Variants in COMMD9 observed in about 807,000 individuals in gnomAD.
COMMD9 encodes the protein COMM domain-containing protein 9.
COMMD9 carries 22 observed loss-of-function variants against 23.4 expected under a neutral mutation model. That is an observed-to-expected ratio of 0.94 (90% CI 0.67 to 1.34). COMMD9 has a LOEUF of 1.34. Ranked by LOEUF, COMMD9 falls within the 40% of genes most tolerant of loss-of-function variation. The pLI is 0.00. For missense variants in COMMD9, 231 were observed against 240.2 expected (o/e 0.96, Z 0.25); for synonymous variants, 99 against 97.4 (o/e 1.02, Z -0.10).
intron 1 of COMMD9, among the ~76,000 whole-genome samples, chr11:36,288,839 A>G (rs777066611): frequency 6.6e-6 from 1 of 152,194 alleles, no homozygotes; most frequent in Non-Finnish European, 1.5e-5. Context: ...ACAAAGCCCT[A>G]TGAAGTAGGT....
intron 5 of COMMD9, among the ~76,000 whole-genome samples, chr11:36,275,740 C>T (rs920302299): frequency 6.6e-6 from 1 of 152,182 alleles, no homozygotes; most frequent in East Asian, 1.9e-4. Context: ...CTGCTCCCAG[C>T]GACTAGTAGA....
At chr11:36,274,832 T>C in intron 5 of COMMD9, 60 bp from the exon 6 acceptor site, 2 of 1,600,786 alleles carry the variant, frequency 1.2e-6, no homozygotes, top group Non-Finnish European at 1.7e-6. Context: ...TCCCTGTAAG[T>C]GAGCCCTGAA....
At chr11:36,284,984 C>T (rs1856127562) in intron 1 of COMMD9, among the ~76,000 whole-genome samples, 1 of 151,966 alleles carries the variant, frequency 6.6e-6, no homozygotes, top group Admixed American at 6.6e-5. Flanking sequence ...AACAGGAAAG[C>T]ATAATAAACC....
At chr11:36,288,030 C>T (rs918470818) in intron 1 of COMMD9, among the ~76,000 whole-genome samples, 1 of 152,016 alleles carries the variant, frequency 6.6e-6, no homozygotes, top group African/African-American at 2.4e-5. Context: ...GGGGTAGGTA[C>T]AGAGCAGCCA....
chr11:36,272,959 G>A lies in COMMD9; in HGVS notation c.*1673C>T, dbSNP rs1482986849. 1.3e-5 allele frequency: 2 copies of A among 152,194 alleles called. No homozygotes were observed. Among genetic ancestry groups the A allele is most frequent in the African/African-American group, 2.4e-5 (1 of 41,428 alleles). 9.4% of individuals were successfully genotyped at this position (152,194 alleles called of 1,614,324 possible). A position where few individuals can be genotyped will look rare whatever the true frequency, so the allele number is the denominator to read the frequency against. The stretch of plus-strand genomic sequence containing the variant: ...TCACACCAACTCTGTTATAGTAGAT[G>A]AGACAATAAATGCACCAAGCTTTCT... On this transcript the variant is annotated 3_prime_UTR_variant, in exon 6 of 6. Transcript: ENST00000263401.
intron 3 of COMMD9, chr11:36,278,210 CA>C (rs1856006561): frequency 2.7e-6 from 1 of 363,830 alleles, no homozygotes; most frequent in East Asian, 6.8e-5. Context: ...TACAAAACAG[CA>C]TGATCCATTT....
At chr11:36,288,918 G>T (rs953716722) in intron 1 of COMMD9, among the ~76,000 whole-genome samples, 2 of 152,180 alleles carry the variant, frequency 1.3e-5, no homozygotes, top group African/African-American at 4.8e-5. Flanking sequence ...AGGTCAAAGA[G>T]AGTAGGGAAA....
intron 1 of COMMD9, among the ~76,000 whole-genome samples, chr11:36,281,992 A>T (rs2133429904): frequency 6.6e-6 from 1 of 152,318 alleles, no homozygotes; most frequent in African/African-American, 2.4e-5. Context: ...AGAACTGAAA[A>T]ATAAAATAAC....
intron 4 of COMMD9, 107 bp from the exon 5 acceptor site, chr11:36,276,347 A>G: frequency 1.4e-6 from 1 of 722,850 alleles, no homozygotes; most frequent in South Asian, 1.6e-5. Context: ...GCATTGGTCT[A>G]TGCAGCAAGT....
Position 36,278,490 on chromosome 11 carries a change from T to C in COMMD9, c.304A>G (p.Ile102Val). The part of the protein sequence containing the change: ...QNLKNLLTKI[I>V]LEHVSTWRTE... The stretch of plus-strand genomic sequence containing the variant: ...ATGAGCACTTACACATGTTCTAGGA[T>C]GATCTTTGTCAGCAGGTTTTTGAGG... The change falls in exon 3 of 6, where the codon ATC becomes GTC. Residue 102 changes from isoleucine to valine, a missense_variant. Coordinates refer to ENST00000263401, the MANE Select transcript of COMMD9 (RefSeq NM_014186.4). 6.2e-7 allele frequency: 1 copy of C among 1,613,836 alleles called. No individual in the cohort carries two copies. Among genetic ancestry groups the C allele is most frequent in the Non-Finnish European group, 8.5e-7 (1 of 1,179,680 alleles).
At chr11:36,276,387 A>G in intron 4 of COMMD9, 147 bp from the exon 5 acceptor site, 2 of 619,696 alleles carry the variant, frequency 3.2e-6, no homozygotes, top group Non-Finnish European at 5.8e-6. Context: ...ACAAAGCCCG[A>G]GACCCACAGC....
chr11:36,275,768 A>G (rs1296179373), intron 5 of COMMD9, among the ~76,000 whole-genome samples: 2 of 152,012 alleles, frequency 1.3e-5, no homozygotes, highest in East Asian at 3.9e-4. Flanking sequence ...GAGCAGCCAC[A>G]TTACAAATAA....
chr11:36,288,030 C>G (rs918470818), intron 1 of COMMD9, among the ~76,000 whole-genome samples: 1 of 152,016 alleles, frequency 6.6e-6, no homozygotes, highest in Non-Finnish European at 1.5e-5. Flanking sequence ...GGGGTAGGTA[C>G]AGAGCAGCCA....
intron 1 of COMMD9, among the ~76,000 whole-genome samples, chr11:36,286,406 A>AAAAG (rs1425897323): frequency 1.1e-5 from 1 of 87,082 alleles, no homozygotes. Flanking sequence ...AAAAAAAAAA[A>AAAAG]AAAAAAAGAA....
intron 2 of COMMD9, among the ~76,000 whole-genome samples, chr11:36,279,885 T>C (rs1003729865): frequency 1.3e-5 from 2 of 152,138 alleles, no homozygotes; most frequent in African/African-American, 4.8e-5. Flanking sequence ...GTGGGTGGAT[T>C]GCTTGAGCTC....
intron 1 of COMMD9, among the ~76,000 whole-genome samples, chr11:36,282,451 A>G (rs1856082207): frequency 6.6e-6 from 1 of 152,080 alleles, no homozygotes; most frequent in African/African-American, 2.4e-5. Context: ...ATGAAAGCAG[A>G]TTTCATATCA....
In COMMD9 at chr11:36,286,597, AAAAC is replaced by A. The variant is rs576438482; in HGVS notation, c.51+2761_51+2764del. The stretch of plus-strand genomic sequence containing the variant: ...CTGGGCCACAGAGCGAGACTCTCTC[AAAAC>A]AAACAAACAAACAAACAAACCAAAA... On this transcript the variant is annotated intron_variant, in intron 1 of 5. Coordinates refer to ENST00000263401, the MANE Select transcript of COMMD9 (RefSeq NM_014186.4). Among the ~76,000 whole-genome samples the A allele has an allele frequency of 2.8e-4, 43 of 151,936 alleles. 1 individual carries two copies. The highest frequency in any genetic ancestry group is 5.8e-4 in the East Asian group (3 of 5,174).
In COMMD9 at chr11:36,274,277, T is replaced by C. The variant is rs138172093; in HGVS notation, c.*355A>G. On this transcript the variant is annotated 3_prime_UTR_variant, in exon 6 of 6. Transcript: ENST00000263401. ...CTAATGTTGGAAATAAACTTACTTA[T>C]TGGATAGGCTGCATGATTTGGGCCT... The C allele has an allele frequency of 1.6e-3, 810 of 501,506 alleles. 2 individuals are homozygous for C. Among genetic ancestry groups the C allele is most frequent in the Non-Finnish European group, 2.6e-3 (666 of 257,296 alleles). 31.1% of individuals were successfully genotyped at this position (501,506 alleles called of 1,614,324 possible). A position where few individuals can be genotyped will look rare whatever the true frequency, so the allele number is the denominator to read the frequency against.
rs866164660 is a variant in COMMD9, at chr11:36,274,737, G to A, written c.492C>T (p.Pro164=). The A allele has an allele frequency of 2.5e-6, 4 of 1,614,286 alleles. No homozygotes were observed. Among genetic ancestry groups the A allele is most frequent in the Non-Finnish European group, 3.4e-6 (4 of 1,180,052 alleles). The change falls in exon 6 of 6, where the codon CCC becomes CCT. Residue 164 remains proline (P), a synonymous_variant. Transcript: ENST00000263401. The stretch of plus-strand genomic sequence containing the variant: ...GCTCCACGGTGACAGCTGAGATGGA[G>A]GGTTTGTCTCCGCATAGGCTGGGAT... ...QEDPSLCGDK[P]SISAVTVELS...
Sources: allele counts gnomAD v4.1 joint callset (sites outside exome capture counted in the v4.1 genomes callset), GRCh38; gene constraint gnomAD v4.1.1; transcripts MANE v1.5; gene names NCBI Gene and HGNC (gene_info 2026-07-23, HGNC 2026-07-21).